PCDH9: variants seen among roughly 807,000 people sequenced by gnomAD.
PCDH9 encodes the protein protocadherin-9.
Under a neutral mutation model 70.6 loss-of-function variants are expected in PCDH9, and 24 were observed. The ratio of observed to expected loss-of-function variants is 0.34; its 90% CI spans 0.25 to 0.48. PCDH9 has a LOEUF of 0.48. Among genes scored for constraint, PCDH9 ranks in the 20% least tolerant of loss-of-function variants. The pLI is 0.99. For synonymous variants in PCDH9, 562 were observed against 558.5 expected (o/e 1.01, Z -0.09); for missense variants, 1,281 against 1,503.6 (o/e 0.85, Z 2.45).
chr13:66,506,252 G>C (rs1566376949), intron 4 of PCDH9, among the ~76,000 whole-genome samples: 3 of 152,064 alleles, frequency 2.0e-5, no homozygotes, highest in Admixed American at 1.3e-4. Flanking sequence ...TCTTTTATGG[G>C]CCTCTAAGTT....
chr13:67,179,708 G>T (rs895504533), intron 2 of PCDH9, among the ~76,000 whole-genome samples: 11 of 152,034 alleles, frequency 7.2e-5, no homozygotes, highest in Non-Finnish European at 1.5e-4. Flanking sequence ...AGTAAATATT[G>T]TACAGATTAT....
chr13:66,849,878 C>T (rs1431808702), intron 3 of PCDH9, among the ~76,000 whole-genome samples: 4 of 152,094 alleles, frequency 2.6e-5, no homozygotes, highest in Non-Finnish European at 5.9e-5. Context: ...GGTGCTGGCA[C>T]ATTAGCATAC....
intron 3 of PCDH9, among the ~76,000 whole-genome samples, chr13:66,840,295 G>A (rs527874038): frequency 1.3e-5 from 2 of 152,300 alleles, no homozygotes; most frequent in Admixed American, 6.5e-5. Flanking sequence ...ACTGGCTCTT[G>A]AATAGAGTTG....
chr13:67,013,142 T>C lies in PCDH9; in HGVS notation c.3037-109537A>G, dbSNP rs139819806. On this transcript the variant is annotated intron_variant, in intron 2 of 4. Transcript: ENST00000377865. ...GTCACTGTAAAAATTTTAGAGTATC[T>C]AGGTGAATGTATTGGAAAAACATAA... 6.1e-3 allele frequency among the ~76,000 whole-genome samples: 928 copies of C among 152,024 alleles called. 3 individuals carry two copies. The highest frequency in any genetic ancestry group is 0.024 in the Middle Eastern group (7 of 294).
chr13:67,135,882 T>C (rs139205401), intron 2 of PCDH9, among the ~76,000 whole-genome samples: 1 of 152,064 alleles, frequency 6.6e-6, no homozygotes, highest in African/African-American at 2.4e-5. Context: ...CTGGGGGGAT[T>C]CTTTGCTACC....
intron 2 of PCDH9, among the ~76,000 whole-genome samples, chr13:66,987,520 G>A (rs540280663): frequency 1.9e-4 from 29 of 151,942 alleles, no homozygotes; most frequent in East Asian, 1.3e-3. Context: ...AACAACCTAC[G>A]TAATGTAATA....
At chr13:66,851,797 C>G (rs957927666) in intron 3 of PCDH9, among the ~76,000 whole-genome samples, 4 of 152,100 alleles carry the variant, frequency 2.6e-5, no homozygotes, top group African/African-American at 9.7e-5. Context: ...TCTTGGTCTG[C>G]TAAGAAACTT....
At chr13:66,969,877 A>G (rs1034372596) in intron 2 of PCDH9, among the ~76,000 whole-genome samples, 5 of 152,030 alleles carry the variant, frequency 3.3e-5, no homozygotes, top group Non-Finnish European at 7.4e-5. Flanking sequence ...TTGGAGAGGG[A>G]AAGTCTAAAG....
At chr13:66,401,656 C>A (rs537946144) in intron 4 of PCDH9, among the ~76,000 whole-genome samples, 2 of 152,174 alleles carry the variant, frequency 1.3e-5, no homozygotes, top group South Asian at 4.2e-4. Context: ...TTTTATACCA[C>A]TTAAGGTCCT....
chr13:66,958,020 G>A (rs1017973775), intron 2 of PCDH9, among the ~76,000 whole-genome samples: 3 of 152,138 alleles, frequency 2.0e-5, no homozygotes, highest in African/African-American at 7.2e-5. Flanking sequence ...CACCTAACTG[G>A]AGAATTCTGG....
chr13:66,498,725 T>G lies in PCDH9; in HGVS notation c.3340+132485A>C, dbSNP rs182203706. The stretch of plus-strand genomic sequence containing the variant: ...TTTAATAAGGTCCTGAAAAAATTTT[T>G]TTTTAATGTACTGTTGATGTGGTAT... On this transcript the variant is annotated intron_variant, in intron 4 of 4. Transcript: ENST00000377865. Among the ~76,000 whole-genome samples, 226 of 152,252 alleles carry G rather than the reference T, an allele frequency of 1.5e-3. 4 individuals are homozygous for G. The East Asian group carries it at 0.032, about 22-fold the overall frequency.
intron 4 of PCDH9, among the ~76,000 whole-genome samples, chr13:66,552,935 T>C (rs1961554846): frequency 6.6e-6 from 1 of 152,074 alleles, no homozygotes; most frequent in African/African-American, 2.4e-5. Flanking sequence ...CTTCTTCACA[T>C]GGTGGCGGGA....
intron 2 of PCDH9, among the ~76,000 whole-genome samples, chr13:66,980,321 T>A (rs1407023647): frequency 6.6e-6 from 1 of 152,020 alleles, no homozygotes; most frequent in Non-Finnish European, 1.5e-5. Flanking sequence ...CACAAATGAC[T>A]CCATCCAAGT....
At chr13:66,689,368 T>C (rs2078450300) in intron 3 of PCDH9, among the ~76,000 whole-genome samples, 1 of 152,120 alleles carries the variant, frequency 6.6e-6, no homozygotes, top group African/African-American at 2.4e-5. Flanking sequence ...TTATTTAAAC[T>C]ACTAAAATTA....
rs879892486 is a variant in PCDH9 at position 66,564,867 on chromosome 13, T to G, written c.3340+66343A>C. On this transcript the variant is annotated intron_variant, in intron 4 of 4. Coordinates refer to ENST00000377865, the MANE Select transcript of PCDH9 (RefSeq NM_203487.3). ...AAACATCATGCACATAATGTAGGGT[T>G]TTTTTTTTTTAATTTTTGATACCCT... Among the ~76,000 whole-genome samples, 112 of 149,672 alleles carry G rather than the reference T, an allele frequency of 7.5e-4. 1 individual carries two copies. The highest frequency in any genetic ancestry group is 4.6e-3 in the Admixed American group (69 of 14,972).
chr13:66,968,907 G>A (rs2083472551), intron 2 of PCDH9, among the ~76,000 whole-genome samples: 1 of 151,970 alleles, frequency 6.6e-6, no homozygotes. Context: ...ATCAGTTAAG[G>A]AGAGCTAGAA....
intron 4 of PCDH9, among the ~76,000 whole-genome samples, chr13:66,399,239 C>G (rs970390290): frequency 4.6e-5 from 7 of 152,176 alleles, no homozygotes; most frequent in South Asian, 2.1e-4. Context: ...GCCTGGGTCT[C>G]TACCTAGGCT....
intron 4 of PCDH9, among the ~76,000 whole-genome samples, chr13:66,373,042 G>A (rs1007344967): frequency 5.3e-5 from 8 of 151,926 alleles, no homozygotes; most frequent in African/African-American, 1.9e-4. Context: ...TAGTGTTATA[G>A]CAACATTATT....
chr13:66,823,855 A>G (rs1398797919), intron 3 of PCDH9, among the ~76,000 whole-genome samples: 1 of 152,148 alleles, frequency 6.6e-6, no homozygotes, highest in Non-Finnish European at 1.5e-5. Context: ...TTTTGACACT[A>G]TATTAGTTAG....
Sources: gnomAD v4.1 joint callset for allele counts (sites outside exome capture counted in the v4.1 genomes callset) on GRCh38, gnomAD v4.1.1 for gene constraint, MANE v1.5 for transcripts, NCBI Gene and HGNC (gene_info 2026-07-23, HGNC 2026-07-21) for gene names.